Variants in VPS45 observed in about 807,000 individuals in gnomAD.
The protein encoded by VPS45 is vacuolar protein sorting 45 homolog.
VPS45 carries 35 observed loss-of-function variants against 75.9 expected under a neutral mutation model. The observed-to-expected ratio is 0.46, with a 90% CI of 0.35 to 0.61. The LOEUF (loss-of-function observed/expected upper bound fraction) is 0.61, where lower values mean the gene tolerates loss of function less well. Among genes scored for constraint, VPS45 ranks in the 20% least tolerant of loss-of-function variants. VPS45 has a pLI of 0.00. For missense variants in VPS45, 559 were observed against 685.9 expected, an observed-to-expected ratio of 0.81 and a Z score of 2.07; for synonymous variants, 220 against 238.2, an observed-to-expected ratio of 0.92 and a Z score of 0.70.
chr1:150,104,941 G>GTACC (rs1225919235), intron 13 of VPS45, among the ~76,000 whole-genome samples: 2 of 152,090 alleles, frequency 1.3e-5, no homozygotes, highest in Non-Finnish European at 2.9e-5. Flanking sequence ...GAGCAAGGAT[G>GTACC]TACCCTGTGC....
chr1:150,108,855 C>CATT (rs1218966842), intron 13 of VPS45, among the ~76,000 whole-genome samples: 1 of 152,136 alleles, frequency 6.6e-6, no homozygotes, highest in African/African-American at 2.4e-5. Context: ...AACTCAGGCC[C>CATT]TAATACTCAC....
At chr1:150,068,559 A>C in intron 1 of VPS45, 71 bp from the exon 2 acceptor site, 1 of 1,322,804 alleles carries the variant, frequency 7.6e-7, no homozygotes, top group Non-Finnish European at 9.9e-7. Context: ...ATGAAAAAAG[A>C]GGGTTAGATG....
chr1:150,086,853 T>C (rs782622856), intron 10 of VPS45, among the ~76,000 whole-genome samples: 63 of 152,312 alleles, frequency 4.1e-4, no homozygotes, highest in Non-Finnish European at 4.3e-4. Context: ...TGTGGAAGTC[T>C]TCTGCCAATT....
At chr1:150,096,914 T>A (rs1289391487) in intron 13 of VPS45, among the ~76,000 whole-genome samples, 1 of 151,698 alleles carries the variant, frequency 6.6e-6, no homozygotes, top group Non-Finnish European at 1.5e-5. Flanking sequence ...TTCACTGAAG[T>A]AATAGCAAAA....
intron 14 of VPS45, among the ~76,000 whole-genome samples, chr1:150,123,391 C>T (rs74124303): frequency 0.022 from 3,278 of 152,242 alleles, 97 homozygotes; most frequent in African/African-American, 0.074. Context: ...ACCTGACTTA[C>T]GTTTTAGGAG....
chr1:150,076,890 G>A, intron 4 of VPS45, 26 bp from the exon 5 acceptor site: 1 of 1,612,656 alleles, frequency 6.2e-7, no homozygotes, highest in South Asian at 1.1e-5. Flanking sequence ...TTTATGGAAT[G>A]ACTATTCTTG....
intron 14 of VPS45, among the ~76,000 whole-genome samples, chr1:150,128,302 T>TAAAA (rs56026495): frequency 6.9e-6 from 1 of 145,330 alleles, no homozygotes. Context: ...ACCCTTGTCT[T>TAAAA]AAAAAAAAAA....
At chr1:150,095,629 A>G (rs2101574647) in intron 13 of VPS45, among the ~76,000 whole-genome samples, 1 of 145,910 alleles carries the variant, frequency 6.9e-6, no homozygotes, top group Non-Finnish European at 1.5e-5. Flanking sequence ...AAAAAAAAGC[A>G]ATCACACTAT....
At chr1:150,106,875 C>G (rs782789046) in intron 13 of VPS45, among the ~76,000 whole-genome samples, 7 of 152,158 alleles carry the variant, frequency 4.6e-5, no homozygotes, top group Non-Finnish European at 8.8e-5. Context: ...CTCCTTACTC[C>G]ACTACAACAC....
chr1:150,099,975 TGGAA>T (rs1656891262), intron 13 of VPS45, among the ~76,000 whole-genome samples: 1 of 152,198 alleles, frequency 6.6e-6, no homozygotes, highest in Admixed American at 6.5e-5. Context: ...AACAGAGTAT[TGGAA>T]GTCTTAGCCA....
intron 14 of VPS45, among the ~76,000 whole-genome samples, chr1:150,123,561 A>T (rs1379915066): frequency 6.6e-6 from 1 of 152,228 alleles, no homozygotes; most frequent in African/African-American, 2.4e-5. Context: ...TCTGAAGCAC[A>T]TGATCCTACC....
chr1:150,133,311 A>G (rs1161915542), intron 14 of VPS45, among the ~76,000 whole-genome samples: 3 of 152,136 alleles, frequency 2.0e-5, no homozygotes, highest in African/African-American at 7.2e-5. Flanking sequence ...GCACTTTGGG[A>G]GGCTGAGGTG....
chr1:150,125,319 T>G (rs1459007944), intron 14 of VPS45, among the ~76,000 whole-genome samples: 4 of 149,462 alleles, frequency 2.7e-5, no homozygotes, highest in Non-Finnish European at 5.9e-5. Flanking sequence ...TGGATATGTA[T>G]TTTTTATTTT....
chr1:150,110,607 C>G lies in VPS45; in HGVS notation c.1605C>G (p.Thr535=), dbSNP rs782478918. 1.9e-6 allele frequency: 3 copies of G among 1,612,520 alleles called. No individual in the cohort carries two copies. The highest frequency in any genetic ancestry group is 2.5e-6 in the Non-Finnish European group (3 of 1,179,010). ...TPGVRIVLGG[T]TVHNTKSFLE... ...GAGTGAGGATTGTCCTGGGAGGCAC[C>G]ACAGTGCACAACACGAAAAGGTAAA... Residue 535 remains threonine, a synonymous_variant, in exon 14 of 15, where the codon ACC becomes ACG. Coordinates refer to ENST00000644510, the MANE Select transcript of VPS45 (RefSeq NM_007259.5).
intron 14 of VPS45, among the ~76,000 whole-genome samples, chr1:150,139,124 C>G (rs1318158938): frequency 6.6e-6 from 1 of 152,152 alleles, no homozygotes; most frequent in Non-Finnish European, 1.5e-5. Flanking sequence ...GTAGGGTGAT[C>G]TTGTGAAAAT....
chr1:150,102,216 C>T (rs1394235208), intron 13 of VPS45, among the ~76,000 whole-genome samples: 7 of 123,720 alleles, frequency 5.7e-5, no homozygotes, highest in African/African-American at 1.9e-4. Context: ...CCAGCCTGGG[C>T]GACAGAGTGA....
chr1:150,093,426 A>T, intron 12 of VPS45, 101 bp from the exon 13 acceptor site: 1 of 1,293,126 alleles, frequency 7.7e-7, no homozygotes, highest in Non-Finnish European at 1.0e-6. Context: ...TATCCCATGA[A>T]ATCTCTATTG....
intron 13 of VPS45, among the ~76,000 whole-genome samples, chr1:150,107,134 T>G (rs1051767204): frequency 6.6e-6 from 1 of 152,150 alleles, no homozygotes; most frequent in Non-Finnish European, 1.5e-5. Flanking sequence ...TGTCTTTTGG[T>G]TTTCTTCTCA....
At chr1:150,137,448 C>G (rs968759349) in intron 14 of VPS45, among the ~76,000 whole-genome samples, 4 of 152,148 alleles carry the variant, frequency 2.6e-5, no homozygotes, top group African/African-American at 9.7e-5. Flanking sequence ...GAAGAAAACC[C>G]GCTCACTGCC....
Sources: allele counts gnomAD v4.1 joint callset (sites outside exome capture counted in the v4.1 genomes callset), GRCh38; gene constraint gnomAD v4.1.1; transcripts MANE v1.5; gene names NCBI Gene and HGNC (gene_info 2026-07-23, HGNC 2026-07-21).